Variants in SPDYE5 observed in about 807,000 individuals in gnomAD.
The protein encoded by SPDYE5 is speedy/RINGO cell cycle regulator family member E5, also known as speedy protein E5.
A neutral mutation model predicts 48.5 loss-of-function variants in SPDYE5; 15 were observed. The ratio of observed to expected loss-of-function variants is 0.31; its 90% CI spans 0.21 to 0.48. SPDYE5 has a LOEUF of 0.48. SPDYE5 is among the 20% of genes least tolerant of loss of function. The pLI is 0.99. For missense variants in SPDYE5, 331 were observed against 549.1 expected (o/e 0.60, Z 3.97); for synonymous variants, 116 against 200.7 (o/e 0.58, Z 3.57).
chr7:75,499,859 G>A (rs868933516), intron 6 of SPDYE5, among the ~76,000 whole-genome samples: 24 of 124,014 alleles, frequency 1.9e-4, no homozygotes, highest in South Asian at 1.6e-3. Context: ...ACCATAAACC[G>A]CTCCTAAGGG....
intron 1 of SPDYE5, among the ~76,000 whole-genome samples, 164 bp from the exon 2 acceptor site, chr7:75,493,463 G>A (rs1194266266): frequency 6.7e-6 from 1 of 149,042 alleles, no homozygotes; most frequent in Non-Finnish European, 1.5e-5. Context: ...GTGCTCTGAT[G>A]TGACTTTTTC....
upstream of SPDYE5, among the ~76,000 whole-genome samples, chr7:75,491,722 TTTTTTTTTG>T (rs1313557325): frequency 1.8e-5 from 2 of 108,778 alleles, no homozygotes; most frequent in African/African-American, 3.2e-5. Context: ...TTTTTTTTTT[TTTTTTTTTG>T]CGATGGTGTC....
In SPDYE5 at chr7:75,501,619, G is replaced by A. The variant is rs1467348455; in HGVS notation, c.1013G>A (p.Arg338Gln). The A allele has an allele frequency of 1.6e-5, 26 of 1,612,992 alleles. No homozygotes were observed. Among genetic ancestry groups the A allele is most frequent in the African/African-American group, 5.3e-5 (4 of 74,896 alleles). ...RSRIPLLRKR[R>Q]FQLGRSMNLR... is the part of the protein sequence containing the mutation. ...CGCATACCCTTGCTCCGTAAGCGTCGGTTCCAGTTAGGCCGTTCCATGAAC... is the reference window on the plus strand; with the variant it reads ...CGCATACCCTTGCTCCGTAAGCGTCAGTTCCAGTTAGGCCGTTCCATGAAC... Residue 338 changes from arginine to glutamine, a missense_variant, in exon 7 of 9, where the codon CGG becomes CAG. By Grantham distance (43) the Arg-to-Gln change is conservative. Around this residue, in one of 8 missense-constraint regions of SPDYE5, gnomAD observed 101 missense variants for 104.0 expected, o/e 0.97. Transcript: ENST00000625065.
In SPDYE5 at chr7:75,499,273, T is replaced by C. The variant is rs200574923; in HGVS notation, c.712T>C (p.Phe238Leu). The change falls in exon 6 of 9, where the codon TTC becomes CTC. Residue 238 changes from phenylalanine to leucine, a missense_variant. This residue lies in a region of SPDYE5 where 16 missense variants were observed against 58.2 expected (regional missense o/e 0.27). Coordinates refer to ENST00000625065, the MANE Select transcript of SPDYE5 (RefSeq NM_001306141.4). ...CATAGCGTATTTCAGCCGGGCCGGC[T>C]TCCCCTCCTGGCAATACCAACGCAT... ...MVIAYFSRAG[F>L]PSWQYQRIHF... 0.088 allele frequency: 117,545 copies of C among 1,332,742 alleles called. 11,637 individuals carry two copies. Among genetic ancestry groups the C allele is most frequent in the Middle Eastern group, 0.16 (602 of 3,730 alleles). The allele number at this position is 1,332,742 out of a possible 1,614,324, so 82.6% of individuals were successfully genotyped here. A position where few individuals can be genotyped will look rare whatever the true frequency, so the allele number is the denominator to read the frequency against.
rs1792828245 is a variant in SPDYE5, at chr7:75,493,940, A to G, written c.-108A>G. 4 of 1,496,388 alleles carry G rather than the reference A, an allele frequency of 2.7e-6. No individual in the cohort carries two copies. The East Asian group carries it at 7.5e-5, about 28-fold the overall frequency. The allele number at this position is 1,496,388 out of a possible 1,614,324, so 92.7% of individuals were successfully genotyped here. Reference sequence around the variant, plus strand: ...CCGGACTCCGTGGTGCCTGGAGATCAGTTGGACAACAGTATCTTCTCAGAG... The same window carrying G: ...CCGGACTCCGTGGTGCCTGGAGATCGGTTGGACAACAGTATCTTCTCAGAG... On this transcript the variant is annotated 5_prime_UTR_variant, in exon 2 of 9. Coordinates refer to ENST00000625065, the MANE Select transcript of SPDYE5 (RefSeq NM_001306141.4).
chr7:75,491,869 C>T (rs1441482116), upstream of SPDYE5, among the ~76,000 whole-genome samples: 3 of 151,750 alleles, frequency 2.0e-5, no homozygotes, highest in African/African-American at 7.3e-5. Flanking sequence ...TGCACCCCCA[C>T]GCCCAGCTCA....
rs1311017706 is a variant in SPDYE5, at chr7:75,501,729, T to A, written c.1123T>A (p.Trp375Arg). 6 of 1,584,208 alleles carry A rather than the reference T, an allele frequency of 3.8e-6. No homozygotes were observed. The African/African-American group carries it at 7.1e-5, about 19-fold the overall frequency. The change falls in exon 7 of 9, where the codon TGG becomes AGG. Residue 375 changes from tryptophan (W) to arginine (R), a missense_variant. Coordinates refer to ENST00000625065, the MANE Select transcript of SPDYE5 (RefSeq NM_001306141.4). ...CTTCTGTTCCATGAGCGGCAGGGCT[T>A]GGGTTTCCCCGGAGGAGTTGGAGGA... ...QFFCSMSGRA[W>R]VSPEELEEIQ...
At chr7:75,495,600 C>A (rs587651776) in intron 3 of SPDYE5, among the ~76,000 whole-genome samples, 394 of 152,338 alleles carry the variant, frequency 2.6e-3, no homozygotes, top group Non-Finnish European at 4.1e-3. Context: ...GGTTTCGGGC[C>A]AGGTGCAGTG....
chr7:75,499,659 C>T (rs371370485), intron 6 of SPDYE5, among the ~76,000 whole-genome samples: 9,133 of 147,036 alleles, frequency 0.062, 385 homozygotes, highest in Non-Finnish European at 0.091. Flanking sequence ...CCCAGCTACT[C>T]GAGAGGCTGA....
chr7:75,494,341 T>A, intron 2 of SPDYE5, 134 bp downstream of exon 2: 1 of 1,318,206 alleles, frequency 7.6e-7, no homozygotes. Flanking sequence ...AGGTCAGGAG[T>A]TCAAGGCCAG....
intron 6 of SPDYE5, among the ~76,000 whole-genome samples, chr7:75,500,193 A>G (rs1331788810): frequency 7.1e-6 from 1 of 140,124 alleles, no homozygotes; most frequent in East Asian, 2.1e-4. Flanking sequence ...CAGGGTCCAC[A>G]GTGTCAATTC....
chr7:75,502,592 T>G lies in SPDYE5; in HGVS notation c.*46-241T>G, dbSNP rs1162768956. Among the ~76,000 whole-genome samples the G allele has an allele frequency of 7.2e-5, 11 of 151,902 alleles. No homozygotes were observed. In the South Asian group the frequency reaches 8.3e-4, roughly 11 times the overall value. ...CCTGGGCAGACCCACCCAAAGTCCT[T>G]GCTATGAAGCAGATCACTGGGGCTG... On this transcript the variant is annotated intron_variant, in intron 8 of 8. Coordinates refer to ENST00000625065, the MANE Select transcript of SPDYE5 (RefSeq NM_001306141.4).
In SPDYE5 at chr7:75,504,072, A is replaced by T. The variant is rs1160916472; in HGVS notation, c.*1285A>T. On this transcript the variant is annotated 3_prime_UTR_variant, in exon 9 of 9. Transcript: ENST00000625065. The stretch of plus-strand genomic sequence containing the variant: ...TAGTTAACATATATATTACATTTAT[A>T]GCTATGTAGTAGTTCCCCTAAATTC... 6.6e-6 allele frequency: 1 copy of T among 152,112 alleles called. No individual in the cohort carries two copies. Among genetic ancestry groups the T allele is most frequent in the African/African-American group, 2.4e-5 (1 of 41,436 alleles). The allele number at this position is 152,112 out of a possible 1,614,324, so 9.4% of individuals were successfully genotyped here.
chr7:75,499,766 C>CAAAA (rs1207603153), intron 6 of SPDYE5, among the ~76,000 whole-genome samples: 9 of 17,888 alleles, frequency 5.0e-4, no homozygotes, highest in East Asian at 0.012. Flanking sequence ...GACTTTTTCT[C>CAAAA]AAAAAAAAAA....
intron 6 of SPDYE5, among the ~76,000 whole-genome samples, chr7:75,499,901 C>T (rs1376065045): frequency 5.0e-5 from 7 of 140,270 alleles, no homozygotes; most frequent in East Asian, 2.1e-4. Context: ...GCGGACATGC[C>T]GCTTCCTCCA....
chr7:75,495,253 C>T lies in SPDYE5; in HGVS notation c.258C>T (p.Leu86=), dbSNP rs782281423. 23 of 1,578,290 alleles carry T rather than the reference C, an allele frequency of 1.5e-5. No individual in the cohort carries two copies. Among genetic ancestry groups the T allele is most frequent in the Admixed American group, 7.2e-5 (4 of 55,814 alleles). The change falls in exon 3 of 9, where the codon CTC becomes CTT. Residue 86 remains leucine, a synonymous_variant. Coordinates refer to ENST00000625065, the MANE Select transcript of SPDYE5 (RefSeq NM_001306141.4). ...CTGCGGAGGAGCCGGAGAAGGAGCT[C>T]GCCCCTGAACCTGAGGAGACCTGGG... is the stretch of plus-strand genomic sequence containing the variant. ...DESAEEPEKE[L]APEPEETWVV...
chr7:75,496,446 C>A (rs1218600233), intron 3 of SPDYE5, among the ~76,000 whole-genome samples: 13 of 130,716 alleles, frequency 9.9e-5, no homozygotes, highest in Non-Finnish European at 1.6e-4. Context: ...AGCCAGGGAC[C>A]AGGGAAGGAT....
chr7:75,501,625 A>G lies in SPDYE5; in HGVS notation c.1019A>G (p.Gln340Arg), dbSNP rs200876292. ...CCCTTGCTCCGTAAGCGTCGGTTCC[A>G]GTTAGGCCGTTCCATGAACCTGAGG... Reference protein sequence around the residue: ...RIPLLRKRRFQLGRSMNLRAR... With the variant: ...RIPLLRKRRFRLGRSMNLRAR... The change falls in exon 7 of 9, where the codon CAG becomes CGG. Residue 340 changes from glutamine to arginine, a missense_variant. Physicochemically the swap from Gln to Arg is conservative, Grantham distance 43 (BLOSUM62 1). This residue lies in a region of SPDYE5 where 101 missense variants were observed against 104.0 expected (regional missense o/e 0.97). Coordinates refer to ENST00000625065, the MANE Select transcript of SPDYE5 (RefSeq NM_001306141.4). 1.9e-4 allele frequency: 314 copies of G among 1,613,068 alleles called. 2 individuals carry two copies. The Middle Eastern group carries it at 2.4e-3, about 13-fold the overall frequency.
At chr7:75,492,627 TG>T (rs1247003047) in intron 1 of SPDYE5, among the ~76,000 whole-genome samples, 186 bp downstream of exon 1, 9 of 151,888 alleles carry the variant, frequency 5.9e-5, no homozygotes, top group Non-Finnish European at 1.2e-4. Context: ...TTAGTAGAGA[TG>T]GGGTTTCACC....
Sources: allele counts gnomAD v4.1 joint callset (sites outside exome capture counted in the v4.1 genomes callset), GRCh38; gene constraint gnomAD v4.1.1; regional missense constraint gnomAD v4.1.1; transcripts MANE v1.5; gene names NCBI Gene and HGNC (gene_info 2026-07-23, HGNC 2026-07-21).